Variants in RNF126 observed in about 807,000 individuals in gnomAD.
The protein encoded by RNF126 is E3 ubiquitin-protein ligase RNF126.
RNF126 carries 20 observed loss-of-function variants against 41.9 expected under a neutral mutation model. That is an observed-to-expected ratio of 0.48 (90% confidence interval 0.34 to 0.69). The LOEUF (loss-of-function observed/expected upper bound fraction) is 0.69. Among genes scored for constraint, RNF126 ranks in the 30% least tolerant of loss-of-function variants. RNF126 has a pLI of 0.01. For missense variants in RNF126, 433 were observed against 460.6 expected (o/e 0.94, Z 0.55); for synonymous variants, 239 against 202.9 (o/e 1.18, Z -1.51).
chr19:658,571 G>A (rs1255416471), intron 1 of RNF126, among the ~76,000 whole-genome samples: 2 of 152,158 alleles, frequency 1.3e-5, no homozygotes, highest in Non-Finnish European at 2.9e-5. Flanking sequence ...CAGCCCCAGA[G>A]GCACGGGCAC....
chr19:654,820 A>G (rs1443832260), intron 1 of RNF126, among the ~76,000 whole-genome samples: 1 of 151,808 alleles, frequency 6.6e-6, no homozygotes, highest in Non-Finnish European at 1.5e-5. Context: ...TACAAATGTT[A>G]GCCAGGCGTG....
chr19:657,397 G>A (rs59297411), intron 1 of RNF126, among the ~76,000 whole-genome samples: 8,864 of 152,270 alleles, frequency 0.058, 774 homozygotes, highest in African/African-American at 0.19. Context: ...GCCGGCTCAC[G>A]ACAGCCCGAC....
chr19:660,029 C>T (rs755061836), intron 1 of RNF126, among the ~76,000 whole-genome samples: 3 of 152,184 alleles, frequency 2.0e-5, no homozygotes, highest in Non-Finnish European at 4.4e-5. Context: ...CCTCCCAAAG[C>T]GATGGGACCA....
In RNF126 at chr19:663,133, C is replaced by G. The variant is rs1172759278; in HGVS notation, c.-12G>C. On this transcript the variant is annotated 5_prime_UTR_variant, in exon 1 of 9. Coordinates refer to ENST00000292363, the MANE Select transcript of RNF126 (RefSeq NM_194460.3). ...GACGCCTCGGCCATGGCCGCCGCCA[C>G]CTACTCCGCGCCGCCCGCCCCCCGC... The G allele has an allele frequency of 3.2e-6, 4 of 1,234,000 alleles. No homozygotes were observed. Among genetic ancestry groups the G allele is most frequent in the East Asian group, 7.1e-5 (2 of 28,214 alleles). The allele number at this position is 1,234,000 out of a possible 1,614,324, so 76.4% of individuals were successfully genotyped here.
chr19:656,299 A>C (rs923872432), intron 1 of RNF126, among the ~76,000 whole-genome samples: 1 of 152,052 alleles, frequency 6.6e-6, no homozygotes, highest in Non-Finnish European at 1.5e-5. Context: ...GCAGTGAGCC[A>C]AGATTGCAGC....
intron 4 of RNF126, 175 bp downstream of exon 4, chr19:651,436 G>T: frequency 1.8e-6 from 1 of 551,124 alleles, no homozygotes; most frequent in Non-Finnish European, 2.9e-6. Context: ...GCATACTTCT[G>T]TCTCCGAAGG....
chr19:647,886 A>T lies in RNF126; in HGVS notation c.*242T>A. Reference sequence around the variant, plus strand: ...AATCTTTCCACCGCTGAACGTTTAGAGGGTGAGGTTAGACAGAGGACGGGG... The same window carrying T: ...AATCTTTCCACCGCTGAACGTTTAGTGGGTGAGGTTAGACAGAGGACGGGG... On this transcript the variant is annotated 3_prime_UTR_variant, in exon 9 of 9. Transcript: ENST00000292363. 1 of 656,312 alleles carries T rather than the reference A, an allele frequency of 1.5e-6. No individual in the cohort carries two copies. 40.7% of individuals were successfully genotyped at this position (656,312 alleles called of 1,614,324 possible).
At chr19:652,121 T>C (rs1265734238) in intron 3 of RNF126, 112 bp downstream of exon 3, 2 of 960,680 alleles carry the variant, frequency 2.1e-6, no homozygotes, top group Non-Finnish European at 2.9e-6. Context: ...GGGAAAAATT[T>C]CCTCCGCCGT....
In RNF126 at chr19:649,234, G is replaced by A. The variant is rs529713487; in HGVS notation, c.577-259C>T. 5.8e-5 allele frequency: 12 copies of A among 206,530 alleles called. 2 individuals carry two copies. The highest frequency in any genetic ancestry group is 2.0e-4 in the South Asian group (1 of 5,044). 12.8% of individuals were successfully genotyped at this position (206,530 alleles called of 1,614,324 possible). A position where few individuals can be genotyped will look rare whatever the true frequency, so the allele number is the denominator to read the frequency against. On this transcript the variant is annotated intron_variant, in intron 6 of 8. Coordinates refer to ENST00000292363, the MANE Select transcript of RNF126 (RefSeq NM_194460.3). ...TGACAGCGGAATGGGGGGGGGGGCC[G>A]CGCTCCTGAGTGCCCTGACGGCGGA...
At chr19:651,923 A>G in intron 3 of RNF126, 68 bp from the exon 4 acceptor site, 2 of 1,424,882 alleles carry the variant, frequency 1.4e-6, no homozygotes, top group Non-Finnish European at 1.9e-6. Flanking sequence ...GCGCTAGGGC[A>G]CAAAGACAAA....
intron 1 of RNF126, among the ~76,000 whole-genome samples, chr19:656,701 T>C (rs4919881): frequency 0.87 from 131,912 of 152,218 alleles, 57,334 homozygotes; most frequent in East Asian, 1. Flanking sequence ...CGACCACCAC[T>C]GTGGCCCTGA....
At position 648,364 on chromosome 19, in the gene RNF126, G is replaced by GGGGGGGGGGGGGGGGGGGGGGGCC; in HGVS notation, c.786+7_786+8insGGCCCCCCCCCCCCCCCCCCCCCC. The GGGGGGGGGGGGGGGGGGGGGGGCC allele has an allele frequency of 2.0e-6, 1 of 510,472 alleles. No individual in the cohort carries two copies. The highest frequency in any genetic ancestry group is 3.6e-6 in the Non-Finnish European group (1 of 278,348). 31.6% of individuals were successfully genotyped at this position (510,472 alleles called of 1,614,324 possible). ...CGGGGTGGGGGGGCGGGTGGGCGGG[G>GGGGGGGGGGGGGGGGGGGGGGGCC]CACTCACCTGCTCCAGCCAGGGCAC... is the stretch of plus-strand genomic sequence containing the variant. On this transcript the variant is annotated splice_region_variant and intron_variant, in intron 8 of 8. Coordinates refer to ENST00000292363, the MANE Select transcript of RNF126 (RefSeq NM_194460.3).
intron 1 of RNF126, among the ~76,000 whole-genome samples, chr19:657,439 C>G (rs2030606548): frequency 6.6e-6 from 1 of 152,258 alleles, no homozygotes; most frequent in Non-Finnish European, 1.5e-5. Context: ...TGCCCCAGCC[C>G]TGGCCTCCTC....
At chr19:649,469 G>C in intron 6 of RNF126, 1 of 576,628 alleles carries the variant, frequency 1.7e-6, no homozygotes, top group South Asian at 2.1e-5. Context: ...CGTTCCGCGT[G>C]AACACAGGAG....
At chr19:653,782 G>A (rs1041058776) in intron 1 of RNF126, among the ~76,000 whole-genome samples, 6 of 152,196 alleles carry the variant, frequency 3.9e-5, no homozygotes, top group Non-Finnish European at 8.8e-5. Context: ...CTCTATGAAC[G>A]ACCCAGTCTC....
At position 648,087 on chromosome 19, in the gene RNF126, G is replaced by C; in HGVS notation, c.*41C>G. 6.6e-7 allele frequency: 1 copy of C among 1,519,134 alleles called. No homozygotes were observed. Among genetic ancestry groups the C allele is most frequent in the South Asian group, 1.3e-5 (1 of 77,148 alleles). The allele number at this position is 1,519,134 out of a possible 1,614,324, so 94.1% of individuals were successfully genotyped here. A position where few individuals can be genotyped will look rare whatever the true frequency, so the allele number is the denominator to read the frequency against. ...TGCCGTGTGGCGCTGGCTGAGGGTG[G>C]GTGGGAAAGGCCCCGTGCTTTCCCG... is the stretch of plus-strand genomic sequence containing the variant. On this transcript the variant is annotated 3_prime_UTR_variant, in exon 9 of 9. Coordinates refer to ENST00000292363, the MANE Select transcript of RNF126 (RefSeq NM_194460.3).
rs148780110 is a variant in RNF126 at position 648,535 on chromosome 19, G to T, written c.671-48C>A. 10,398 of 1,424,610 alleles carry T rather than the reference G, an allele frequency of 7.3e-3. 61 individuals are homozygous for T. The highest frequency in any genetic ancestry group is 8.8e-3 in the Non-Finnish European group (9,197 of 1,043,142). 88.2% of individuals were successfully genotyped at this position (1,424,610 alleles called of 1,614,324 possible). ...TCACAGCGGGCGTGGGGGGCCTGCCGAGCCTTCAAGGGCAGGCTACTCCAC... is the reference window on the plus strand; with the variant it reads ...TCACAGCGGGCGTGGGGGGCCTGCCTAGCCTTCAAGGGCAGGCTACTCCAC... On this transcript the variant is annotated intron_variant, in intron 7 of 8. Transcript: ENST00000292363.
Position 663,182 on chromosome 19 carries a change from G to T in RNF126, c.-61C>A. The T allele has an allele frequency of 3.8e-6, 3 of 780,884 alleles. No individual in the cohort carries two copies. The highest frequency in any genetic ancestry group is 3.3e-6 in the Non-Finnish European group (2 of 610,504). 48.4% of individuals were successfully genotyped at this position (780,884 alleles called of 1,614,324 possible). On this transcript the variant is annotated 5_prime_UTR_variant, in exon 1 of 9. Transcript: ENST00000292363. ...GCGCGGCACCCGCCGCCGGCCGTTT[G>T]CTGCTCCCTCGCCGGCCGACGCGCC...
intron 1 of RNF126, among the ~76,000 whole-genome samples, chr19:654,700 C>G (rs991458514): frequency 7.2e-6 from 1 of 139,078 alleles, no homozygotes; most frequent in Admixed American, 7.5e-5. Context: ...GGCGCGGTGT[C>G]TCATACCTGT....
Sources: gnomAD v4.1 joint callset for allele counts (sites outside exome capture counted in the v4.1 genomes callset) on GRCh38, gnomAD v4.1.1 for gene constraint, MANE v1.5 for transcripts, NCBI Gene and HGNC (gene_info 2026-07-23, HGNC 2026-07-21) for gene names.